The following GNG12 variants were observed in gnomAD, a reference collection of about 807,000 sequenced individuals.
GNG12 encodes guanine nucleotide-binding protein G(I)/G(S)/G(O) subunit gamma-12.
For synonymous variants in GNG12, 28 were observed against 29.7 expected, an observed-to-expected ratio of 0.94 and a Z score of 0.19; for missense variants, 69 against 83.8, an observed-to-expected ratio of 0.82 and a Z score of 0.69.
chr1:67,724,163 T>C lies in GNG12; in HGVS notation c.-26-16451A>G, dbSNP rs369120805. On this transcript the variant is annotated intron_variant, in intron 2 of 3. Transcript: ENST00000370982. ...CATTTCCAGAAACAGAGGAGGAGAG[T>C]TGAGAAACTAGGGAGAGTGAAGATG... Among the ~76,000 whole-genome samples the C allele has an allele frequency of 8.6e-5, 13 of 150,784 alleles. No homozygotes were observed. In the East Asian group the frequency reaches 2.2e-3, roughly 25 times the overall value.
At chr1:67,829,115 T>A (rs1391370157) in intron 1 of GNG12, among the ~76,000 whole-genome samples, 1 of 152,144 alleles carries the variant, frequency 6.6e-6, no homozygotes, top group Admixed American at 6.5e-5. Context: ...AAAAGCAGGT[T>A]GGGGGTGGGA....
chr1:67,701,700 C>T lies in GNG12; in HGVS notation c.*3751G>A, dbSNP rs752150007. 3 of 152,484 alleles carry T rather than the reference C, an allele frequency of 2.0e-5. No homozygotes were observed. Among genetic ancestry groups the T allele is most frequent in the Non-Finnish European group, 4.4e-5 (3 of 68,014 alleles). 9.4% of individuals were successfully genotyped at this position (152,484 alleles called of 1,614,324 possible). ...ACAGATGCGTAGCCAAAGAATATTA[C>T]ATAACAACAAAATCTCATCAATGAT... On this transcript the variant is annotated 3_prime_UTR_variant, in exon 4 of 4. Transcript: ENST00000370982.
At chr1:67,779,023 G>A (rs1646722460) in intron 1 of GNG12, among the ~76,000 whole-genome samples, 2 of 152,146 alleles carry the variant, frequency 1.3e-5, no homozygotes, top group South Asian at 4.1e-4. Context: ...CAAAGTGGTG[G>A]TGGCTGGGGA....
chr1:67,805,734 A>G (rs927447119), intron 1 of GNG12, among the ~76,000 whole-genome samples: 3 of 152,102 alleles, frequency 2.0e-5, no homozygotes, highest in African/African-American at 2.4e-5. Context: ...CAGAAGCACT[A>G]TCTGAGGCAA....
intron 2 of GNG12, among the ~76,000 whole-genome samples, chr1:67,723,941 G>A (rs1646371180): frequency 6.6e-6 from 1 of 152,210 alleles, no homozygotes; most frequent in Non-Finnish European, 1.5e-5. Context: ...AGTTACTGGG[G>A]ACTGCTGAGT....
chr1:67,769,274 G>A (rs1646658937), intron 2 of GNG12, among the ~76,000 whole-genome samples: 2 of 152,166 alleles, frequency 1.3e-5, no homozygotes, highest in South Asian at 4.1e-4. Flanking sequence ...AATTGTTACA[G>A]GACCCAACAT....
At chr1:67,753,342 T>C (rs1266193698) in intron 2 of GNG12, among the ~76,000 whole-genome samples, 1 of 134,734 alleles carries the variant, frequency 7.4e-6, no homozygotes, top group African/African-American at 2.5e-5. Context: ...AATGTAAATA[T>C]TCCAAAACCT....
chr1:67,802,362 C>T (rs1480004844), intron 1 of GNG12, among the ~76,000 whole-genome samples: 3 of 152,170 alleles, frequency 2.0e-5, no homozygotes, highest in Non-Finnish European at 4.4e-5. Flanking sequence ...GACGCACCTA[C>T]TTAAAACCAT....
intron 2 of GNG12, among the ~76,000 whole-genome samples, chr1:67,736,478 T>G (rs910527703): frequency 6.6e-6 from 1 of 152,182 alleles, no homozygotes; most frequent in Non-Finnish European, 1.5e-5. Flanking sequence ...TGCTTCCTGT[T>G]GTGCAGCTAT....
intron 2 of GNG12, among the ~76,000 whole-genome samples, chr1:67,727,800 A>C (rs1570490686): frequency 6.6e-6 from 1 of 152,238 alleles, no homozygotes; most frequent in Non-Finnish European, 1.5e-5. Flanking sequence ...GGGCTAATTA[A>C]TTACTTAATT....
At position 67,714,010 on chromosome 1, in the gene GNG12, T is replaced by C. The variant is rs193111125; in HGVS notation, c.-26-6298A>G. On this transcript the variant is annotated intron_variant, in intron 2 of 3. Coordinates refer to ENST00000370982, the MANE Select transcript of GNG12 (RefSeq NM_018841.6). ...TAGGTTCTTAAGAATAGTTCCTCTA[T>C]TTTCATGAGCAGTTCTTATTTATAT... Among the ~76,000 whole-genome samples the C allele has an allele frequency of 4.9e-3, 739 of 152,354 alleles. 4 individuals are homozygous for C. The highest frequency in any genetic ancestry group is 0.017 in the African/African-American group (705 of 41,586).
At chr1:67,791,857 C>T (rs1646803439) in intron 1 of GNG12, among the ~76,000 whole-genome samples, 1 of 152,162 alleles carries the variant, frequency 6.6e-6, no homozygotes, top group African/African-American at 2.4e-5. Flanking sequence ...ACTTAACACA[C>T]TTACTCACGT....
At chr1:67,725,671 G>A (rs61180785) in intron 2 of GNG12, among the ~76,000 whole-genome samples, 4,582 of 152,206 alleles carry the variant, frequency 0.03, 200 homozygotes, top group African/African-American at 0.094. Flanking sequence ...GGGAAAACAT[G>A]GGACAGAAAT....
chr1:67,716,669 G>A (rs1646327471), intron 2 of GNG12, among the ~76,000 whole-genome samples: 1 of 152,146 alleles, frequency 6.6e-6, no homozygotes, highest in African/African-American at 2.4e-5. Context: ...ACAAGGAAGG[G>A]GCTGGGAGAA....
chr1:67,728,653 G>A (rs1245539635), intron 2 of GNG12, among the ~76,000 whole-genome samples: 2 of 152,202 alleles, frequency 1.3e-5, no homozygotes, highest in Non-Finnish European at 2.9e-5. Context: ...AGACGGGTCA[G>A]CAGTTGGCAG....
intron 1 of GNG12, among the ~76,000 whole-genome samples, chr1:67,789,803 G>T (rs950032511): frequency 6.6e-6 from 1 of 151,206 alleles, no homozygotes; most frequent in Non-Finnish European, 1.5e-5. Context: ...CCAGGCCTTG[G>T]ACTCAGAGGA....
chr1:67,727,378 T>A (rs1646392745), intron 2 of GNG12, among the ~76,000 whole-genome samples: 1 of 152,230 alleles, frequency 6.6e-6, no homozygotes, highest in African/African-American at 2.4e-5. Context: ...TTGAAACACT[T>A]TTATGCAAAA....
chr1:67,824,210 T>G (rs189010427), intron 1 of GNG12, among the ~76,000 whole-genome samples: 19 of 152,274 alleles, frequency 1.2e-4, no homozygotes, highest in African/African-American at 4.3e-4. Context: ...GTGAATTTGC[T>G]ATTTAAAGAA....
intron 2 of GNG12, among the ~76,000 whole-genome samples, chr1:67,759,291 T>C (rs891230389): frequency 3.3e-5 from 5 of 152,252 alleles, no homozygotes; most frequent in East Asian, 1.9e-4. Context: ...AAGATCTCTA[T>C]GGTTCCTGCG....
Sources: allele counts gnomAD v4.1 joint callset (sites outside exome capture counted in the v4.1 genomes callset), GRCh38; gene constraint gnomAD v4.1.1; transcripts MANE v1.5; gene names NCBI Gene and HGNC (gene_info 2026-07-23, HGNC 2026-07-21).